ACACA: variants seen among roughly 807,000 people sequenced by gnomAD.
ACACA encodes acetyl-CoA carboxylase 1.
A neutral mutation model predicts 296.1 loss-of-function variants in ACACA; 103 were observed. The ratio of observed to expected loss-of-function variants is 0.35; its 90% confidence interval spans 0.30 to 0.41. The LOEUF is 0.41. Ranked by LOEUF, ACACA falls within the 10% of genes least tolerant of loss-of-function variation. The pLI, the probability that ACACA is intolerant of heterozygous loss-of-function variation, is 1.00. For missense variants in ACACA, 1,554 were observed against 2,989.7 expected, an observed-to-expected ratio of 0.52 and a Z score of 11.20; for synonymous variants, 953 against 1,038.6, an observed-to-expected ratio of 0.92 and a Z score of 1.58.
At chr17:37,280,350 C>T (rs1007075286) in intron 5 of ACACA, among the ~76,000 whole-genome samples, 6 of 151,998 alleles carry the variant, frequency 3.9e-5, no homozygotes, top group African/African-American at 9.7e-5. Flanking sequence ...CTGAGACTAC[C>T]GGCATGCGCC....
chr17:37,179,138 C>T lies in ACACA; in HGVS notation c.5079+122G>A. On this transcript the variant is annotated intron_variant, in intron 41 of 55. Coordinates refer to ENST00000616317, the MANE Select transcript of ACACA (RefSeq NM_198834.3). ...AATTTCTTGATACTCAGTCAATGCTCTCTCTAAAGAACTCTCCCAACAAGA... is the reference window on the plus strand; with the variant it reads ...AATTTCTTGATACTCAGTCAATGCTTTCTCTAAAGAACTCTCCCAACAAGA... 7 of 1,229,916 alleles carry T rather than the reference C, an allele frequency of 5.7e-6. No homozygotes were observed. The South Asian group carries it at 9.0e-5, about 16-fold the overall frequency. The allele number at this position is 1,229,916 out of a possible 1,614,324, so 76.2% of individuals were successfully genotyped here.
Position 37,086,606 on chromosome 17 carries a change from T to G in ACACA, c.*710A>C, listed in dbSNP as rs1441371273. 2 of 152,908 alleles carry G rather than the reference T, an allele frequency of 1.3e-5. No individual in the cohort carries two copies. Among genetic ancestry groups the G allele is most frequent in the Admixed American group, 1.3e-4 (2 of 15,414 alleles). 9.5% of individuals were successfully genotyped at this position (152,908 alleles called of 1,614,324 possible). On this transcript the variant is annotated 3_prime_UTR_variant, in exon 56 of 56. Coordinates refer to ENST00000616317, the MANE Select transcript of ACACA (RefSeq NM_198834.3). ...AGGCAGGCCAACAACTACCTTTCCC[T>G]TTGTCCTCAGAGACTGAACCCAAGG... is the stretch of plus-strand genomic sequence containing the variant.
At chr17:37,129,204 AC>A (rs760229088) in intron 47 of ACACA, among the ~76,000 whole-genome samples, 160 bp downstream of exon 47, 1 of 152,116 alleles carries the variant, frequency 6.6e-6, no homozygotes, top group Admixed American at 6.6e-5. Flanking sequence ...AGGATTTCCC[AC>A]CTTTTTCTTC....
chr17:37,163,868 T>C (rs2076561430), intron 41 of ACACA, among the ~76,000 whole-genome samples: 1 of 152,188 alleles, frequency 6.6e-6, no homozygotes, highest in South Asian at 2.1e-4. Context: ...TCCCAAACTC[T>C]CACAGCCCTC....
At chr17:37,361,095 G>A (rs886131769) in intron 1 of ACACA, among the ~76,000 whole-genome samples, 5 of 144,792 alleles carry the variant, frequency 3.5e-5, no homozygotes, top group African/African-American at 5.3e-5. Context: ...CTGGAGTGCC[G>A]TGGTGCAATC....
chr17:37,406,280 A>T lies in ACACA; in HGVS notation c.20T>A (p.Met7Lys), dbSNP rs749875911. 24 of 1,614,218 alleles carry T rather than the reference A, an allele frequency of 1.5e-5. No individual in the cohort carries two copies. In the South Asian group the frequency reaches 2.6e-4, roughly 18 times the overall value. MWWSTL[M>K]SILRARSFWK... ...GACATACCTAGCCCTCAAGATTGAC[A>T]TCAGAGTAGACCACCACATCCTCTC... The change falls in exon 1 of 56, where the codon ATG becomes AAG. Residue 7 changes from methionine (M) to lysine (K), a missense_variant. This residue lies in a region of ACACA where 140 missense variants were observed against 147.7 expected (regional missense o/e 0.95). Transcript: ENST00000616317.
intron 24 of ACACA, among the ~76,000 whole-genome samples, chr17:37,235,766 T>C (rs2080081576): frequency 6.6e-6 from 1 of 152,126 alleles, no homozygotes; most frequent in Admixed American, 6.6e-5. Context: ...ACCCAAGGTA[T>C]AGATCAAGGA....
chr17:37,371,894 C>G (rs982119861), intron 1 of ACACA, among the ~76,000 whole-genome samples: 2 of 150,430 alleles, frequency 1.3e-5, no homozygotes, highest in African/African-American at 4.9e-5. Context: ...AGCGAGACTA[C>G]GTCTCAAAAA....
rs8071882 is a variant in ACACA at position 37,140,336 on chromosome 17, C to T, written c.5679+9528G>A. ...TCTTCAACTTCCATTCCTGGTCTCA[C>T]GAGTATGTAATAATTTTATATATCA... On this transcript the variant is annotated intron_variant, in intron 45 of 55. Coordinates refer to ENST00000616317, the MANE Select transcript of ACACA (RefSeq NM_198834.3). Among the ~76,000 whole-genome samples, 62 of 152,170 alleles carry T rather than the reference C, an allele frequency of 4.1e-4. 1 individual carries two copies. Among genetic ancestry groups the T allele is most frequent in the African/African-American group, 1.4e-3 (59 of 41,496 alleles).
chr17:37,269,567 T>C (rs1217274624), intron 10 of ACACA, among the ~76,000 whole-genome samples: 1 of 152,150 alleles, frequency 6.6e-6, no homozygotes, highest in Non-Finnish European at 1.5e-5. Context: ...AATAGCTGTA[T>C]GGGCACTCAA....
At chr17:37,316,894 G>A (rs1298350746) in intron 3 of ACACA, among the ~76,000 whole-genome samples, 1 of 151,866 alleles carries the variant, frequency 6.6e-6, no homozygotes, top group East Asian at 1.9e-4. Context: ...CCAACATGGC[G>A]AAACCGTGTC....
intron 8 of ACACA, 121 bp downstream of exon 8, chr17:37,275,830 T>C: frequency 4.7e-6 from 4 of 855,054 alleles, no homozygotes; most frequent in Non-Finnish European, 8.1e-6. Context: ...CAAGGTACCA[T>C]TAATCAACCA....
At chr17:37,179,465 A>C in intron 40 of ACACA, 59 bp from the exon 41 acceptor site, 1 of 1,578,514 alleles carries the variant, frequency 6.3e-7, no homozygotes, top group Non-Finnish European at 8.7e-7. Context: ...AGACAAAAAT[A>C]ATTATTAAGA....
At chr17:37,259,183 T>G (rs553928292) in intron 12 of ACACA, among the ~76,000 whole-genome samples, 177 bp downstream of exon 12, 1 of 152,344 alleles carries the variant, frequency 6.6e-6, no homozygotes, top group South Asian at 2.1e-4. Context: ...TTCCTATGTC[T>G]GTACTACATC....
chr17:37,288,638 G>A (rs1245319358), intron 3 of ACACA, among the ~76,000 whole-genome samples: 3 of 152,100 alleles, frequency 2.0e-5, no homozygotes, highest in East Asian at 3.8e-4. Context: ...TGGTTCACAC[G>A]TGTAAACCCA....
intron 42 of ACACA, among the ~76,000 whole-genome samples, chr17:37,156,613 A>C (rs1407324227): frequency 1.3e-5 from 2 of 152,224 alleles, no homozygotes; most frequent in Non-Finnish European, 2.9e-5. Flanking sequence ...TTTTTTCAAT[A>C]AACAACTCCT....
intron 11 of ACACA, among the ~76,000 whole-genome samples, chr17:37,262,994 T>A (rs1422621619): frequency 6.6e-6 from 1 of 152,152 alleles, no homozygotes; most frequent in Non-Finnish European, 1.5e-5. Context: ...CCTCCCAAAG[T>A]GCTAGGATTA....
chr17:37,206,753 C>G (rs1458961714), intron 32 of ACACA, 30 bp downstream of exon 32: 1 of 1,528,096 alleles, frequency 6.5e-7, no homozygotes, highest in Admixed American at 1.7e-5. Flanking sequence ...CTGAGGGGAA[C>G]AAAGCAGTCT....
At chr17:37,316,502 A>C (rs1390523190) in intron 3 of ACACA, among the ~76,000 whole-genome samples, 1 of 152,180 alleles carries the variant, frequency 6.6e-6, no homozygotes. Context: ...ATGTTTGGCT[A>C]GACACTAACA....
Sources: gnomAD v4.1 joint callset for allele counts (sites outside exome capture counted in the v4.1 genomes callset) on GRCh38, gnomAD v4.1.1 for gene constraint, gnomAD v4.1.1 regional missense constraint, MANE v1.5 for transcripts, NCBI Gene and HGNC (gene_info 2026-07-23, HGNC 2026-07-21) for gene names.